Variants in ATP23 observed in about 807,000 individuals in gnomAD.
ATP23 encodes mitochondrial inner membrane protease ATP23 homolog.
ATP23 carries 24 observed loss-of-function variants against 28.5 expected under a neutral mutation model. The observed-to-expected ratio is 0.84, with a 90% CI of 0.61 to 1.18. ATP23 has a LOEUF of 1.18. Ranked by LOEUF, ATP23 falls within the 50% of genes most tolerant of loss-of-function variation. The pLI is 0.00. For synonymous variants in ATP23, 99 were observed against 108.6 expected (o/e 0.91, Z 0.55); for missense variants, 274 against 306.4 (o/e 0.89, Z 0.79).
chr12:57,944,060 T>C (rs1272933576), intron 1 of ATP23, among the ~76,000 whole-genome samples: 1 of 43,806 alleles, frequency 2.3e-5, no homozygotes, highest in Non-Finnish European at 3.9e-5. Context: ...TAAACCATGG[T>C]TTTTTTTTTT....
chr12:57,945,710 G>A, intron 2 of ATP23, 37 bp downstream of exon 2: 2 of 1,604,970 alleles, frequency 1.2e-6, no homozygotes, highest in Non-Finnish European at 1.7e-6. Flanking sequence ...TCTGAGGTCT[G>A]GCTGCTGAAA....
chr12:57,945,598 A>G (rs1565873448), intron 1 of ATP23, 30 bp from the exon 2 acceptor site: 12 of 1,588,188 alleles, frequency 7.6e-6, no homozygotes, highest in South Asian at 2.2e-5. Context: ...TACTTTTCCA[A>G]TTACTTAATT....
intron 2 of ATP23, among the ~76,000 whole-genome samples, chr12:57,946,152 C>T (rs1336490098): frequency 6.6e-6 from 1 of 152,182 alleles, no homozygotes; most frequent in Non-Finnish European, 1.5e-5. Flanking sequence ...AGGTGTGAGC[C>T]ACTGCGCCAG....
rs1025088596 is a variant in ATP23 at position 57,958,471 on chromosome 12, T to G, written c.*1581T>G. Reference sequence around the variant, plus strand: ...CAACCACCAAAGCTAAGAACCCTCATGGAGTCCATTGCACCCCCCCTGCCA... The same window carrying G: ...CAACCACCAAAGCTAAGAACCCTCAGGGAGTCCATTGCACCCCCCCTGCCA... On this transcript the variant is annotated 3_prime_UTR_variant, in exon 6 of 6. Coordinates refer to ENST00000300145, the MANE Select transcript of ATP23 (RefSeq NM_033276.4). Among the ~76,000 whole-genome samples, 2 of 152,100 alleles carry G rather than the reference T, an allele frequency of 1.3e-5. No individual in the cohort carries two copies. Among genetic ancestry groups the G allele is most frequent in the Admixed American group, 6.6e-5 (1 of 15,266 alleles).
At chr12:57,951,169 G>T (rs1420599724) in intron 3 of ATP23, among the ~76,000 whole-genome samples, 12 of 152,114 alleles carry the variant, frequency 7.9e-5, no homozygotes, top group African/African-American at 2.4e-4. Context: ...CCTGGCATTT[G>T]CCCTCATTCT....
intron 3 of ATP23, 123 bp from the exon 4 acceptor site, chr12:57,951,634 TG>T: frequency 9.8e-7 from 1 of 1,021,202 alleles, no homozygotes. Flanking sequence ...TGAAGAAGAG[TG>T]GGTAGAGATA....
At chr12:57,951,989 T>C in intron 4 of ATP23, 94 bp downstream of exon 4, 2 of 1,477,848 alleles carry the variant, frequency 1.4e-6, no homozygotes, top group Non-Finnish European at 1.9e-6. Context: ...CTTACTGTCA[T>C]AGTTCTACCT....
In ATP23 at chr12:57,941,980, T is replaced by A. The variant is rs551384647; in HGVS notation, c.187+92T>A. The A allele has an allele frequency of 3.4e-6, 5 of 1,485,722 alleles. No individual in the cohort carries two copies. The East Asian group carries it at 1.2e-4, about 35-fold the overall frequency. The allele number at this position is 1,485,722 out of a possible 1,614,324, so 92.0% of individuals were successfully genotyped here. On this transcript the variant is annotated intron_variant, in intron 1 of 5. Transcript: ENST00000300145. The stretch of plus-strand genomic sequence containing the variant: ...GCCTGGGCAACACCTGGCCAGGGGC[T>A]TCAGGTTCAGCACAGAGTCTAGACA...
rs111276784 is a variant in ATP23 at position 57,952,465 on chromosome 12, T to C, written c.453+570T>C. ...TCCTTGCTTGCCCTAGAGTAAAACA[T>C]GCTCTTTTCAAAAATACAACATAAA... On this transcript the variant is annotated intron_variant, in intron 4 of 5. Transcript: ENST00000300145. Among the ~76,000 whole-genome samples the C allele has an allele frequency of 6.8e-3, 1,031 of 152,326 alleles. 5 individuals carry two copies. Among genetic ancestry groups the C allele is most frequent in the South Asian group, 0.019 (92 of 4,826 alleles).
At chr12:57,946,643 TG>T (rs71448542) in intron 2 of ATP23, among the ~76,000 whole-genome samples, 1 of 151,208 alleles carries the variant, frequency 6.6e-6, no homozygotes, top group Non-Finnish European at 1.5e-5. Flanking sequence ...TTAGTAGAGA[TG>T]GGGGGTTCTC....
In ATP23 at chr12:57,941,595, C is replaced by G; in HGVS notation, c.-107C>G. On this transcript the variant is annotated 5_prime_UTR_variant, in exon 1 of 6. Coordinates refer to ENST00000300145, the MANE Select transcript of ATP23 (RefSeq NM_033276.4). Reference sequence around the variant, plus strand: ...CCAGCCAGGCTGCCCTTCTTCCCTGCGGAGGGAGGGCCTGGGCGGTCGCGT... The same window carrying G: ...CCAGCCAGGCTGCCCTTCTTCCCTGGGGAGGGAGGGCCTGGGCGGTCGCGT... The G allele has an allele frequency of 7.0e-7, 1 of 1,427,946 alleles. No individual in the cohort carries two copies. Among genetic ancestry groups the G allele is most frequent in the Non-Finnish European group, 9.3e-7 (1 of 1,075,388 alleles). The allele number at this position is 1,427,946 out of a possible 1,614,324, so 88.5% of individuals were successfully genotyped here. A position where few individuals can be genotyped will look rare whatever the true frequency, so the allele number is the denominator to read the frequency against.
chr12:57,951,893 G>A lies in ATP23; in HGVS notation c.451G>A (p.Glu151Lys), dbSNP rs766300069. ...CAACATCAGACATTTGGCGTGCTCAGAGGTGAGTTTTATTGTATTTTTCTC... is the reference window on the plus strand; with the variant it reads ...CAACATCAGACATTTGGCGTGCTCAAAGGTGAGTTTTATTGTATTTTTCTC... ...FTNIRHLACS[E>K]VRAANLSGDC... Residue 151 changes from glutamate (E) to lysine (K), a missense_variant and splice_region_variant, in exon 4 of 6, where the codon GAG (glutamate) becomes AAG (lysine). Coordinates refer to ENST00000300145, the MANE Select transcript of ATP23 (RefSeq NM_033276.4). The A allele has an allele frequency of 6.2e-7, 1 of 1,614,142 alleles. No homozygotes were observed. The highest frequency in any genetic ancestry group is 1.1e-5 in the South Asian group (1 of 91,080).
rs774206574 is a variant in ATP23 at position 57,951,899 on chromosome 12, A to T, written c.453+4A>T. On this transcript the variant is annotated splice_donor_region_variant and intron_variant, in intron 4 of 5. Transcript: ENST00000300145. The stretch of plus-strand genomic sequence containing the variant: ...CAGACATTTGGCGTGCTCAGAGGTG[A>T]GTTTTATTGTATTTTTCTCCAGAAT... The T allele has an allele frequency of 5.6e-6, 9 of 1,613,898 alleles. No individual in the cohort carries two copies. In the Admixed American group the frequency reaches 1.5e-4, roughly 27 times the overall value.
At chr12:57,942,117 C>G (rs1360601519) in intron 1 of ATP23, among the ~76,000 whole-genome samples, 1 of 152,098 alleles carries the variant, frequency 6.6e-6, no homozygotes, top group Non-Finnish European at 1.5e-5. Context: ...AATTTGTCTG[C>G]CCTTTTTTGT....
Position 57,953,829 on chromosome 12 carries a change from A to G in ATP23, c.537+140A>G, listed in dbSNP as rs1022321265. ...AGAATACAAAGTATGTACCATTTAA[A>G]CAAAGTAGATGGAATTTAGTTCTAC... is the stretch of plus-strand genomic sequence containing the variant. On this transcript the variant is annotated intron_variant, in intron 5 of 5. Coordinates refer to ENST00000300145, the MANE Select transcript of ATP23 (RefSeq NM_033276.4). 4.0e-6 allele frequency: 3 copies of G among 753,952 alleles called. No homozygotes were observed. In the East Asian group the frequency reaches 8.1e-5, roughly 20 times the overall value. 46.7% of individuals were successfully genotyped at this position (753,952 alleles called of 1,614,324 possible).
At chr12:57,943,377 T>A (rs1956726804) in intron 1 of ATP23, among the ~76,000 whole-genome samples, 1 of 152,070 alleles carries the variant, frequency 6.6e-6, no homozygotes, top group Non-Finnish European at 1.5e-5. Context: ...TTAGGGTTGT[T>A]GTGAAGAATA....
intron 3 of ATP23, among the ~76,000 whole-genome samples, chr12:57,951,476 A>T (rs1315341903): frequency 6.6e-6 from 1 of 152,206 alleles, no homozygotes; most frequent in Admixed American, 6.5e-5. Context: ...CGATCAGCCC[A>T]GTAAGGATGG....
Position 57,941,678 on chromosome 12 carries a change from G to A in ATP23, c.-24G>A. ...CTCTGGCCGCCTGAGCCAGGAGGAA[G>A]CAGCGGCGAGGTCTGCGGGAGGCAT... On this transcript the variant is annotated 5_prime_UTR_variant, in exon 1 of 6. Coordinates refer to ENST00000300145, the MANE Select transcript of ATP23 (RefSeq NM_033276.4). 6.3e-7 allele frequency: 1 copy of A among 1,598,918 alleles called. No individual in the cohort carries two copies. The highest frequency in any genetic ancestry group is 8.5e-7 in the Non-Finnish European group (1 of 1,173,426).
At chr12:57,947,738 T>A (rs1208357050) in intron 3 of ATP23, among the ~76,000 whole-genome samples, 1 of 152,220 alleles carries the variant, frequency 6.6e-6, no homozygotes, top group Non-Finnish European at 1.5e-5. Context: ...TAGAGTTGCT[T>A]ATCTTAGTGC....
Sources: allele counts gnomAD v4.1 joint callset (sites outside exome capture counted in the v4.1 genomes callset), GRCh38; gene constraint gnomAD v4.1.1; transcripts MANE v1.5; gene names NCBI Gene and HGNC (gene_info 2026-07-23, HGNC 2026-07-21).